SLC35D4: variants seen among roughly 807,000 people sequenced by gnomAD.
SLC35D4 encodes the protein UDP-N-acetylglucosamine transporter SLC35D4.
the SLC35D4 span, among the ~76,000 whole-genome samples, chr18:23,360,459 A>C: frequency 6.6e-6 from 1 of 152,232 alleles, no homozygotes; most frequent in Non-Finnish European, 1.5e-5. Flanking sequence ...AAAAGGAACA[A>C]ACTCATGATA....
the SLC35D4 span, among the ~76,000 whole-genome samples, chr18:23,325,841 G>A: frequency 1.3e-5 from 2 of 152,086 alleles, no homozygotes; most frequent in Non-Finnish European, 1.5e-5. Flanking sequence ...CCCCCACCCC[G>A]TGTGGGTACA....
the SLC35D4 span, among the ~76,000 whole-genome samples, chr18:23,346,191 AGTG>A: frequency 6.6e-6 from 1 of 152,200 alleles, no homozygotes; most frequent in Non-Finnish European, 1.5e-5. Flanking sequence ...GCTGGAGTGC[AGTG>A]GTGACAATAG....
the SLC35D4 span, among the ~76,000 whole-genome samples, chr18:23,369,844 C>T: frequency 6.6e-6 from 1 of 152,222 alleles, no homozygotes; most frequent in Non-Finnish European, 1.5e-5. Flanking sequence ...TACCACAAGT[C>T]TCAGCCCTTT....
chr18:23,343,025 T>G, the SLC35D4 span, among the ~76,000 whole-genome samples: 1 of 151,846 alleles, frequency 6.6e-6, no homozygotes, highest in Middle Eastern at 3.4e-3. Context: ...TGGGTTCAAG[T>G]GATTTTCCTG....
At chr18:23,278,741 T>C in the SLC35D4 span, among the ~76,000 whole-genome samples, 1 of 152,060 alleles carries the variant, frequency 6.6e-6, no homozygotes, top group Admixed American at 6.6e-5. Context: ...GTGTGGAGAC[T>C]CAAGCCTATA....
chr18:23,371,735 C>A, the SLC35D4 span, among the ~76,000 whole-genome samples: 1 of 151,810 alleles, frequency 6.6e-6, no homozygotes, highest in Non-Finnish European at 1.5e-5. Context: ...CACCCCAAGA[C>A]CTCTGTGACA....
the SLC35D4 span, among the ~76,000 whole-genome samples, chr18:23,273,202 C>G: frequency 6.6e-6 from 1 of 152,146 alleles, no homozygotes; most frequent in Non-Finnish European, 1.5e-5. Context: ...AAATAGCCAA[C>G]AGAGAGAGAT....
chr18:23,269,223 G>A, the SLC35D4 span, among the ~76,000 whole-genome samples: 2 of 152,190 alleles, frequency 1.3e-5, no homozygotes, highest in African/African-American at 2.4e-5. Flanking sequence ...GGGACCCAGT[G>A]GGAGATAATT....
the SLC35D4 span, among the ~76,000 whole-genome samples, chr18:23,302,135 G>A: frequency 1.3e-5 from 2 of 152,260 alleles, no homozygotes; most frequent in Non-Finnish European, 2.9e-5. Context: ...AGCCTGGTGG[G>A]AGAGATGGCG....
the SLC35D4 span, among the ~76,000 whole-genome samples, chr18:23,428,139 G>A: frequency 1.3e-5 from 2 of 151,956 alleles, no homozygotes; most frequent in Admixed American, 6.6e-5. Flanking sequence ...TGCACATTGT[G>A]CACATGTACC....
At chr18:23,376,517 A>G in the SLC35D4 span, among the ~76,000 whole-genome samples, 1 of 152,126 alleles carries the variant, frequency 6.6e-6, no homozygotes, top group African/African-American at 2.4e-5. Flanking sequence ...CCAACACACA[A>G]ATGACCTAGA....
the SLC35D4 span, among the ~76,000 whole-genome samples, chr18:23,240,343 T>G: frequency 6.6e-6 from 1 of 152,070 alleles, no homozygotes; most frequent in Non-Finnish European, 1.5e-5. Context: ...ACTGTAGAAG[T>G]CGTTGCCCTT....
chr18:23,245,561 C>G, the SLC35D4 span, among the ~76,000 whole-genome samples: 1 of 151,488 alleles, frequency 6.6e-6, no homozygotes, highest in Non-Finnish European at 1.5e-5. Flanking sequence ...ATATGGGAGA[C>G]TTTTCATCTG....
chr18:23,253,579 G>T, the SLC35D4 span: 1 of 655,630 alleles, frequency 1.5e-6, no homozygotes, highest in Non-Finnish European at 2.6e-6. Context: ...CATGCATAAC[G>T]CAGCCTTCAC....
At chr18:23,349,738 A>G in the SLC35D4 span, among the ~76,000 whole-genome samples, 1 of 152,240 alleles carries the variant, frequency 6.6e-6, no homozygotes, top group East Asian at 1.9e-4. Flanking sequence ...AAGTTCACTT[A>G]TTCTTTCTTC....
the SLC35D4 span, among the ~76,000 whole-genome samples, chr18:23,313,997 A>C: frequency 6.6e-6 from 1 of 152,168 alleles, no homozygotes; most frequent in African/African-American, 2.4e-5. Flanking sequence ...AGGACTAATA[A>C]TCCAGAAGGA....
At chr18:23,293,134 C>T in the SLC35D4 span, among the ~76,000 whole-genome samples, 1 of 152,144 alleles carries the variant, frequency 6.6e-6, no homozygotes, top group Non-Finnish European at 1.5e-5. Context: ...ATCCCAGCTA[C>T]TTGGGAGGCA....
the SLC35D4 span, among the ~76,000 whole-genome samples, chr18:23,337,209 C>T: frequency 1.3e-5 from 2 of 152,268 alleles, no homozygotes; most frequent in Admixed American, 1.3e-4. Flanking sequence ...CGCGGTGGCT[C>T]ACGCCTGTAA....
At chr18:23,377,512 T>A in the SLC35D4 span, 1 of 766,412 alleles carries the variant, frequency 1.3e-6, no homozygotes, top group Non-Finnish European at 2.0e-6. Flanking sequence ...AGACACAAAT[T>A]AGGGATATAT....
Sources: gnomAD v4.1 joint callset for allele counts (sites outside exome capture counted in the v4.1 genomes callset) on GRCh38, gnomAD v4.1.1 for gene constraint, MANE v1.5 for transcripts, NCBI Gene and HGNC (gene_info 2026-07-23, HGNC 2026-07-21) for gene names.